Variants in ADGRL3 observed in about 807,000 individuals in gnomAD.
ADGRL3 encodes calcium-independent alpha-latrotoxin receptor 3.
ADGRL3 carries 62 observed loss-of-function variants against 153.5 expected under a neutral mutation model. That is an observed-to-expected ratio of 0.40 (90% CI 0.33 to 0.50). The LOEUF (loss-of-function observed/expected upper bound fraction) is 0.50. ADGRL3 is among the 20% of genes least tolerant of loss of function. The pLI is 0.47. For synonymous variants in ADGRL3, 710 were observed against 672.5 expected (o/e 1.06, Z -0.86); for missense variants, 1,641 against 1,859.4 (o/e 0.88, Z 2.16).
Position 61,471,205 on chromosome 4 carries a change from C to T in ADGRL3, c.-173-25916C>T, listed in dbSNP as rs1033055596. 2.0e-5 allele frequency among the ~76,000 whole-genome samples: 3 copies of T among 151,670 alleles called. No individual in the cohort carries two copies. In the South Asian group the frequency reaches 6.2e-4, roughly 31 times the overall value. On this transcript the variant is annotated intron_variant, in intron 2 of 26. Transcript: ENST00000683033. ...TTTACTCTCTCAAGCTTCTTTTTAG[C>T]ATGTGAATATTCAACAGTCTATATT... is the stretch of plus-strand genomic sequence containing the variant.
chr4:61,467,178 G>A (rs560762103), intron 2 of ADGRL3, among the ~76,000 whole-genome samples: 231 of 152,088 alleles, frequency 1.5e-3, no homozygotes, highest in Non-Finnish European at 2.7e-3. Flanking sequence ...TGTTTTTAAT[G>A]TTCATAAGAG....
At chr4:61,419,693 C>T (rs544134375) in intron 2 of ADGRL3, among the ~76,000 whole-genome samples, 2 of 152,270 alleles carry the variant, frequency 1.3e-5, no homozygotes, top group African/African-American at 4.8e-5. Flanking sequence ...ATGCTGTACG[C>T]AGTCAATTTT....
At chr4:61,218,434 C>T (rs187499532) in intron 1 of ADGRL3, among the ~76,000 whole-genome samples, 13 of 152,194 alleles carry the variant, frequency 8.5e-5, no homozygotes, top group Admixed American at 2.0e-4. Context: ...CTCAGCCTCA[C>T]GAGTAGCTGG....
At chr4:61,734,873 G>A (rs2096488895) in intron 8 of ADGRL3, among the ~76,000 whole-genome samples, 1 of 152,112 alleles carries the variant, frequency 6.6e-6, no homozygotes, top group Non-Finnish European at 1.5e-5. Flanking sequence ...CCAATTTTTA[G>A]CCCTCCTTCT....
chr4:61,604,169 T>C (rs531239821), intron 5 of ADGRL3, among the ~76,000 whole-genome samples: 1 of 152,270 alleles, frequency 6.6e-6, no homozygotes, highest in African/African-American at 2.4e-5. Flanking sequence ...GGGATCAGAA[T>C]TCTCCTTTGC....
At chr4:61,210,920 C>A (rs377413551) in intron 1 of ADGRL3, among the ~76,000 whole-genome samples, 17 of 152,074 alleles carry the variant, frequency 1.1e-4, no homozygotes, top group African/African-American at 3.9e-4. Flanking sequence ...CTGTAGTTGA[C>A]TTTGGAGGAA....
At chr4:61,746,489 G>A (rs557622532) in intron 8 of ADGRL3, among the ~76,000 whole-genome samples, 1 of 152,210 alleles carries the variant, frequency 6.6e-6, no homozygotes, top group Admixed American at 6.5e-5. Flanking sequence ...TAAAAGAACA[G>A]AAATTATAAC....
intron 25 of ADGRL3, among the ~76,000 whole-genome samples, chr4:62,059,118 T>C (rs541090759): frequency 8.7e-4 from 132 of 152,274 alleles, no homozygotes; most frequent in Middle Eastern, 3.4e-3. Context: ...TAGTACCTTC[T>C]AGGAAAATTG....
chr4:61,591,039 A>G (rs1411970746), intron 5 of ADGRL3, among the ~76,000 whole-genome samples: 1 of 152,170 alleles, frequency 6.6e-6, no homozygotes, highest in African/African-American at 2.4e-5. Flanking sequence ...ACTATCACAG[A>G]TAAGGCAGAA....
At chr4:61,724,715 G>A (rs142506454) in intron 6 of ADGRL3, among the ~76,000 whole-genome samples, 2 of 152,266 alleles carry the variant, frequency 1.3e-5, no homozygotes, top group African/African-American at 4.8e-5. Context: ...AGTGACAGAT[G>A]TCTGTCAGAA....
At chr4:61,443,604 A>G (rs1399428535) in intron 2 of ADGRL3, among the ~76,000 whole-genome samples, 1 of 152,086 alleles carries the variant, frequency 6.6e-6, no homozygotes, top group Non-Finnish European at 1.5e-5. Flanking sequence ...ATTTTGTGTT[A>G]TGTATACTTC....
chr4:62,071,017 C>T lies in ADGRL3; in HGVS notation c.*109C>T. ...GTGTACTCCTAAATCTTTATGCTGT[C>T]CTCTAAAGACAAACACAAACTCTCA... On this transcript the variant is annotated 3_prime_UTR_variant, in exon 27 of 27. Transcript: ENST00000683033. The T allele has an allele frequency of 1.1e-6, 1 of 943,678 alleles. No individual in the cohort carries two copies. Among genetic ancestry groups the T allele is most frequent in the Non-Finnish European group, 1.5e-6 (1 of 647,834 alleles). The allele number at this position is 943,678 out of a possible 1,614,324, so 58.5% of individuals were successfully genotyped here.
At chr4:61,781,344 AAAAG>A (rs1444131990) in intron 8 of ADGRL3, among the ~76,000 whole-genome samples, 9 of 151,530 alleles carry the variant, frequency 5.9e-5, no homozygotes, top group Non-Finnish European at 1.3e-4. Flanking sequence ...AAAAAAAAAA[AAAAG>A]AAAAGAAAAG....
At chr4:61,536,703 A>G (rs139762298) in intron 4 of ADGRL3, among the ~76,000 whole-genome samples, 1 of 152,000 alleles carries the variant, frequency 6.6e-6, no homozygotes, top group African/African-American at 2.4e-5. Context: ...AAGAATAACC[A>G]TCCCTGCTCT....
rs117950512 is a variant in ADGRL3, at chr4:61,686,876, C to T, written c.583+9941C>T. 1.7e-3 allele frequency among the ~76,000 whole-genome samples: 255 copies of T among 152,102 alleles called. 2 individuals are homozygous for T. In the East Asian group the frequency reaches 0.045, roughly 27 times the overall value. On this transcript the variant is annotated intron_variant, in intron 6 of 26. Transcript: ENST00000683033. Reference sequence around the variant, plus strand: ...ATGAAATCAACATTTTTTGATTCCACATATGAATGAGATCATGAGATATTC... The same window carrying T: ...ATGAAATCAACATTTTTTGATTCCATATATGAATGAGATCATGAGATATTC...
At chr4:61,627,744 C>T (rs998162675) in intron 5 of ADGRL3, among the ~76,000 whole-genome samples, 3 of 152,252 alleles carry the variant, frequency 2.0e-5, no homozygotes, top group South Asian at 2.1e-4. Flanking sequence ...TTGGGTATTT[C>T]GAAGGGGATA....
intron 8 of ADGRL3, among the ~76,000 whole-genome samples, chr4:61,789,413 C>T (rs986392425): frequency 5.9e-5 from 9 of 151,976 alleles, no homozygotes; most frequent in African/African-American, 1.5e-4. Flanking sequence ...AATCACCAAG[C>T]GTGCTGAGTA....
At chr4:61,838,142 A>C (rs2097965233) in intron 9 of ADGRL3, among the ~76,000 whole-genome samples, 1 of 152,164 alleles carries the variant, frequency 6.6e-6, no homozygotes, top group South Asian at 2.1e-4. Flanking sequence ...AGCTAAATAA[A>C]TACCTCATGG....
At chr4:61,294,174 C>T (rs2094326112) in intron 1 of ADGRL3, among the ~76,000 whole-genome samples, 1 of 152,154 alleles carries the variant, frequency 6.6e-6, no homozygotes, top group Non-Finnish European at 1.5e-5. Context: ...GGGCGGCAAG[C>T]TGCAGCTCCC....
Sources: gnomAD v4.1 joint callset for allele counts (sites outside exome capture counted in the v4.1 genomes callset) on GRCh38, gnomAD v4.1.1 for gene constraint, MANE v1.5 for transcripts, NCBI Gene and HGNC (gene_info 2026-07-23, HGNC 2026-07-21) for gene names.